The following LOC128462377 variants were observed in gnomAD, a reference collection of about 807,000 sequenced individuals.
the LOC128462377 span, among the ~76,000 whole-genome samples, chr16:89,355,612 T>C: frequency 6.6e-6 from 1 of 152,056 alleles, no homozygotes. Context: ...GACTGAAATG[T>C]CACAGTATCG....
At chr16:89,342,138 C>G in the LOC128462377 span, among the ~76,000 whole-genome samples, 1 of 152,210 alleles carries the variant, frequency 6.6e-6, no homozygotes, top group African/African-American at 2.4e-5. Context: ...TCCCTTCTCT[C>G]AGGGCCCTTC....
At chr16:89,397,847 C>T in the LOC128462377 span, among the ~76,000 whole-genome samples, 1 of 152,230 alleles carries the variant, frequency 6.6e-6, no homozygotes, top group Admixed American at 6.5e-5. Flanking sequence ...TCCCAGCTAG[C>T]TCACCACCAG....
At chr16:89,347,391 C>T in the LOC128462377 span, among the ~76,000 whole-genome samples, 5 of 152,078 alleles carry the variant, frequency 3.3e-5, no homozygotes, top group Non-Finnish European at 7.4e-5. Context: ...AGGCGGATCA[C>T]GAGGTCAGGA....
chr16:89,413,779 GGT>G, the LOC128462377 span, among the ~76,000 whole-genome samples: 6 of 152,164 alleles, frequency 3.9e-5, no homozygotes, highest in Non-Finnish European at 7.3e-5. Flanking sequence ...GCTCCCCAGG[GGT>G]GAGGGTGCCA....
the LOC128462377 span, among the ~76,000 whole-genome samples, chr16:89,383,982 G>C: frequency 6.6e-6 from 1 of 152,264 alleles, no homozygotes; most frequent in African/African-American, 2.4e-5. Flanking sequence ...GAAACTGGGA[G>C]GCTGAGGCAG....
chr16:89,327,504 A>G, the LOC128462377 span, among the ~76,000 whole-genome samples: 1 of 152,218 alleles, frequency 6.6e-6, no homozygotes, highest in Non-Finnish European at 1.5e-5. Context: ...AAGAAACTTT[A>G]TTTAATAGAG....
At chr16:89,359,946 A>AT in the LOC128462377 span, among the ~76,000 whole-genome samples, 5 of 151,898 alleles carry the variant, frequency 3.3e-5, no homozygotes, top group African/African-American at 1.2e-4. Context: ...GTACTACATA[A>AT]GTAAACACAT....
chr16:89,397,533 G>C, the LOC128462377 span, among the ~76,000 whole-genome samples: 3 of 152,206 alleles, frequency 2.0e-5, no homozygotes, highest in African/African-American at 7.2e-5. Flanking sequence ...AGTCGTCCCT[G>C]ACGGGGAAGG....
At chr16:89,397,956 T>C in the LOC128462377 span, among the ~76,000 whole-genome samples, 8 of 152,256 alleles carry the variant, frequency 5.3e-5, no homozygotes, top group African/African-American at 1.2e-4. Flanking sequence ...TCTCCTGTTG[T>C]TGAATCGGTG....
chr16:89,387,663 AC>A, the LOC128462377 span, among the ~76,000 whole-genome samples: 3 of 140,244 alleles, frequency 2.1e-5, no homozygotes, highest in Non-Finnish European at 4.6e-5. Context: ...ACAGAGCGAG[AC>A]TCCATCTCAA....
the LOC128462377 span, among the ~76,000 whole-genome samples, chr16:89,318,263 G>T: frequency 6.6e-6 from 1 of 152,136 alleles, no homozygotes; most frequent in African/African-American, 2.4e-5. Flanking sequence ...CCTGCCTGTG[G>T]GCCTTCTAGG....
chr16:89,395,901 T>C, the LOC128462377 span: 6 of 152,210 alleles, frequency 3.9e-5, no homozygotes, highest in African/African-American at 1.4e-4. Flanking sequence ...GCAGCATTCA[T>C]CTTGTGCATA....
chr16:89,408,231 C>T, the LOC128462377 span, among the ~76,000 whole-genome samples: 16 of 152,218 alleles, frequency 1.1e-4, no homozygotes, highest in Admixed American at 2.0e-4. Context: ...CTCACACCAG[C>T]GCTGTTCCCT....
the LOC128462377 span, among the ~76,000 whole-genome samples, chr16:89,418,087 T>G: frequency 3.5e-3 from 529 of 152,338 alleles, 4 homozygotes; most frequent in African/African-American, 0.012. Flanking sequence ...AGGATCCCAT[T>G]CATTAATCCA....
At chr16:89,329,253 C>T in the LOC128462377 span, among the ~76,000 whole-genome samples, 11 of 152,296 alleles carry the variant, frequency 7.2e-5, no homozygotes, top group South Asian at 2.1e-4. Flanking sequence ...CAGGATAAGA[C>T]GGGGGATCTG....
chr16:89,381,464 T>A, the LOC128462377 span, among the ~76,000 whole-genome samples: 13 of 152,176 alleles, frequency 8.5e-5, no homozygotes, highest in Admixed American at 2.6e-4. Context: ...GCAAGAGCTT[T>A]TCACATTGTA....
the LOC128462377 span, among the ~76,000 whole-genome samples, chr16:89,401,838 A>G: frequency 1.3e-5 from 2 of 151,576 alleles, no homozygotes; most frequent in African/African-American, 2.4e-5. Flanking sequence ...ATGCGTCTAC[A>G]AGCCCGGGCG....
At chr16:89,411,885 G>C in the LOC128462377 span, among the ~76,000 whole-genome samples, 1 of 151,934 alleles carries the variant, frequency 6.6e-6, no homozygotes, top group African/African-American at 2.4e-5. Context: ...GAGTCTCCTG[G>C]CCATGTTCCA....
the LOC128462377 span, among the ~76,000 whole-genome samples, chr16:89,411,254 T>C: frequency 5.4e-3 from 815 of 152,306 alleles, 6 homozygotes; most frequent in African/African-American, 0.019. Context: ...AGGGACCTTT[T>C]TGCTCTACTT....
Sources: allele counts gnomAD v4.1 joint callset (sites outside exome capture counted in the v4.1 genomes callset), GRCh38; gene constraint gnomAD v4.1.1; transcripts MANE v1.5.